Variants in HSD17B3 observed in about 807,000 individuals in gnomAD.
HSD17B3 encodes 17-beta-hydroxysteroid dehydrogenase type 3.
HSD17B3 carries 29 observed loss-of-function variants against 41.1 expected under a neutral mutation model. That is an observed-to-expected ratio of 0.71 (90% CI 0.53 to 0.96). The LOEUF is 0.96. Ranked by LOEUF, HSD17B3 falls within the 40% of genes least tolerant of loss-of-function variation. The pLI, the probability that HSD17B3 is intolerant of heterozygous loss-of-function variation, is 0.00. For missense variants in HSD17B3, 323 were observed against 374.6 expected, an observed-to-expected ratio of 0.86 and a Z score of 1.14; for synonymous variants, 126 against 145.6, an observed-to-expected ratio of 0.87 and a Z score of 0.97.
At chr9:96,239,213 C>T (rs12552648) in intron 10 of HSD17B3, 9,570 of 152,456 alleles carry the variant, frequency 0.063, 439 homozygotes, top group East Asian at 0.24. Context: ...ATGGAAGGAC[C>T]GTCATGGACC....
chr9:96,273,846 G>A (rs748787846), intron 2 of HSD17B3, among the ~76,000 whole-genome samples: 35 of 152,184 alleles, frequency 2.3e-4, no homozygotes, highest in Non-Finnish European at 2.5e-4. Context: ...CAGAGTTATC[G>A]GTGCATTCTC....
At chr9:96,249,097 G>T (rs369486560) in intron 6 of HSD17B3, among the ~76,000 whole-genome samples, 2 of 152,224 alleles carry the variant, frequency 1.3e-5, no homozygotes, top group African/African-American at 4.8e-5. Flanking sequence ...AGTAGAGACA[G>T]GGTTTCACCA....
intron 2 of HSD17B3, among the ~76,000 whole-genome samples, chr9:96,292,800 T>C (rs1257992457): frequency 6.6e-6 from 1 of 152,114 alleles, no homozygotes; most frequent in African/African-American, 2.4e-5. Context: ...AGAGAAACAC[T>C]CCCCTGTTTA....
intron 2 of HSD17B3, among the ~76,000 whole-genome samples, chr9:96,255,699 G>A (rs1223807804): frequency 6.6e-6 from 1 of 152,034 alleles, no homozygotes; most frequent in Non-Finnish European, 1.5e-5. Context: ...CATCTGCCCC[G>A]ACTTGTGAGC....
At chr9:96,263,447 G>A (rs578248305) in intron 2 of HSD17B3, among the ~76,000 whole-genome samples, 2 of 152,216 alleles carry the variant, frequency 1.3e-5, no homozygotes, top group African/African-American at 4.8e-5. Context: ...GTGGGGCACG[G>A]TGGCTCACGC....
intron 2 of HSD17B3, among the ~76,000 whole-genome samples, chr9:96,277,048 A>C (rs1163434531): frequency 6.6e-6 from 1 of 152,122 alleles, no homozygotes; most frequent in Non-Finnish European, 1.5e-5. Flanking sequence ...AAAAAGACAA[A>C]AAATTAGCTG....
intron 8 of HSD17B3, 52 bp downstream of exon 8, chr9:96,245,293 G>T (rs1836616086): frequency 2.8e-6 from 4 of 1,404,812 alleles, no homozygotes; most frequent in African/African-American, 2.8e-5. Flanking sequence ...ATTGCCAACT[G>T]GGAGAAATAA....
At chr9:96,296,271 C>A (rs1827355403) in intron 2 of HSD17B3, among the ~76,000 whole-genome samples, 1 of 151,908 alleles carries the variant, frequency 6.6e-6, no homozygotes, top group Non-Finnish European at 1.5e-5. Context: ...GAAGAAACAT[C>A]AGAGAGTTTG....
intron 2 of HSD17B3, among the ~76,000 whole-genome samples, chr9:96,283,636 A>G (rs2130780537): frequency 6.6e-6 from 1 of 152,270 alleles, no homozygotes; most frequent in Middle Eastern, 3.4e-3. Context: ...ACATAAAATC[A>G]TTGTATGCCA....
chr9:96,286,112 G>A (rs1249737411), intron 2 of HSD17B3, among the ~76,000 whole-genome samples: 2 of 152,214 alleles, frequency 1.3e-5, no homozygotes, highest in Admixed American at 6.5e-5. Flanking sequence ...GGGAGGCCAA[G>A]GCGGGCAGAT....
chr9:96,243,533 C>T (rs1476729113), intron 9 of HSD17B3, among the ~76,000 whole-genome samples: 2 of 152,206 alleles, frequency 1.3e-5, no homozygotes, highest in Non-Finnish European at 2.9e-5. Flanking sequence ...GCAATAATTT[C>T]CAAGATATAA....
intron 7 of HSD17B3, 184 bp downstream of exon 7, chr9:96,246,372 C>T: frequency 1.5e-6 from 1 of 665,914 alleles, no homozygotes; most frequent in Non-Finnish European, 2.7e-6. Context: ...GCTTGTCTGT[C>T]TGCAGAGCTG....
chr9:96,255,758 C>T (rs1207456252), intron 2 of HSD17B3, among the ~76,000 whole-genome samples: 2 of 152,182 alleles, frequency 1.3e-5, no homozygotes, highest in African/African-American at 4.8e-5. Flanking sequence ...CGACCTGAGA[C>T]CTTTCTTCCT....
intron 2 of HSD17B3, among the ~76,000 whole-genome samples, chr9:96,272,446 T>TAAAA (rs1554699341): frequency 2.3e-5 from 2 of 85,850 alleles, no homozygotes; most frequent in South Asian, 4.7e-4. Flanking sequence ...TATATATATA[T>TAAAA]AAAATATATA....
intron 2 of HSD17B3, among the ~76,000 whole-genome samples, chr9:96,282,662 C>T (rs1450783062): frequency 3.9e-5 from 6 of 152,172 alleles, no homozygotes; most frequent in Non-Finnish European, 1.5e-5. Context: ...AAAATTGCTT[C>T]CTAACCAGGT....
chr9:96,237,140 C>G lies in HSD17B3; in HGVS notation c.823-1570G>C, dbSNP rs530584482. Among the ~76,000 whole-genome samples the G allele has an allele frequency of 9.8e-5, 15 of 152,302 alleles. No homozygotes were observed. The South Asian group carries it at 3.1e-3, about 32-fold the overall frequency. ...TTCTTATCTCACAGCAAAGTCAAGC[C>G]CTTTCAGTAGCTCTGTCTTGAACTA... On this transcript the variant is annotated intron_variant, in intron 10 of 10. Transcript: ENST00000375263.
intron 6 of HSD17B3, 44 bp downstream of exon 6, chr9:96,249,707 G>A: frequency 1.3e-6 from 2 of 1,594,234 alleles, no homozygotes; most frequent in Non-Finnish European, 1.7e-6. Flanking sequence ...CAAATTTCAA[G>A]TTACTACATG....
chr9:96,277,842 C>G (rs1167104250), intron 2 of HSD17B3, among the ~76,000 whole-genome samples: 1 of 59,748 alleles, frequency 1.7e-5, no homozygotes, highest in Non-Finnish European at 4.0e-5. Flanking sequence ...GTGGCACACA[C>G]ACACACACAC....
chr9:96,260,516 T>A (rs1825818238), intron 2 of HSD17B3, among the ~76,000 whole-genome samples: 2 of 152,160 alleles, frequency 1.3e-5, no homozygotes, highest in Non-Finnish European at 2.9e-5. Context: ...TAAATTATAA[T>A]AACCCGTTCC....
Sources: gnomAD v4.1 joint callset for allele counts (sites outside exome capture counted in the v4.1 genomes callset) on GRCh38, gnomAD v4.1.1 for gene constraint, MANE v1.5 for transcripts, NCBI Gene and HGNC (gene_info 2026-07-23, HGNC 2026-07-21) for gene names.